The following SH3KBP1 variants were observed in gnomAD, a reference collection of about 807,000 sequenced individuals.
The protein encoded by SH3KBP1 is SH3 domain containing kinase binding protein 1, also known as SH3 domain-containing kinase-binding protein 1.
In SH3KBP1, 8 loss-of-function variants were observed where a neutral mutation model predicts 50.1. The ratio of observed to expected loss-of-function variants is 0.16; its 90% CI spans 0.09 to 0.29. The LOEUF is 0.29. SH3KBP1 is among the 10% of genes least tolerant of loss of function. The pLI is 1.00. For missense variants in SH3KBP1, 377 were observed against 535.2 expected, an observed-to-expected ratio of 0.70 and a Z score of 2.92; for synonymous variants, 227 against 218.6, an observed-to-expected ratio of 1.04 and a Z score of -0.34.
intron 2 of SH3KBP1, among the ~76,000 whole-genome samples, chrX:19,829,720 C>CAA (rs758791831): frequency 2.6e-4 from 15 of 58,415 alleles, no homozygotes; most frequent in African/African-American, 4.9e-4. Context: ...CACTCCGTCT[C>CAA]AAAAAAAAAA....
At chrX:19,612,517 C>T (rs1202761713) in intron 8 of SH3KBP1, among the ~76,000 whole-genome samples, 4 of 111,742 alleles carry the variant, frequency 3.6e-5, no homozygotes, top group Non-Finnish European at 5.6e-5. Flanking sequence ...CTGCCTGCCT[C>T]GGCCTCCCAA....
At chrX:19,660,691 G>A (rs1428036922) in intron 6 of SH3KBP1, among the ~76,000 whole-genome samples, 5 of 111,730 alleles carry the variant, frequency 4.5e-5, no homozygotes, top group Non-Finnish European at 9.4e-5. Flanking sequence ...TGTCAATGAT[G>A]GAAAAACAAC....
At chrX:19,850,596 G>A (rs2068480642) in intron 1 of SH3KBP1, among the ~76,000 whole-genome samples, 1 of 111,786 alleles carries the variant, frequency 8.9e-6, no homozygotes, top group Non-Finnish European at 1.9e-5. Context: ...CTTGAGATGT[G>A]TTTTACATAA....
At chrX:19,743,824 A>G (rs961115059) in intron 3 of SH3KBP1, among the ~76,000 whole-genome samples, 2 of 112,939 alleles carry the variant, frequency 1.8e-5, no homozygotes, top group African/African-American at 3.2e-5. Context: ...CATGATAGAA[A>G]TAGATGTCAA....
In SH3KBP1 at chrX:19,760,884, G is replaced by A. The variant is rs151279679; in HGVS notation, c.163-14443C>T. 7.6e-3 allele frequency among the ~76,000 whole-genome samples: 831 copies of A among 109,558 alleles called. 8 individuals carry two copies. Among genetic ancestry groups the A allele is most frequent in the African/African-American group, 0.026 (771 of 30,038 alleles). On this transcript the variant is annotated intron_variant, in intron 2 of 17. Transcript: ENST00000397821. The stretch of plus-strand genomic sequence containing the variant: ...GAATGCTAAAAGGAAAAACTTTTTA[G>A]TATGCAACTCCTAGTGTGGTTGGTT...
At chrX:19,813,072 G>A (rs1299155729) in intron 2 of SH3KBP1, among the ~76,000 whole-genome samples, 1 of 109,380 alleles carries the variant, frequency 9.1e-6, no homozygotes, top group Admixed American at 9.7e-5. Flanking sequence ...GAGCCTTGGA[G>A]GTCGAGGCTG....
At chrX:19,809,517 G>T (rs1313540754) in intron 2 of SH3KBP1, among the ~76,000 whole-genome samples, 1 of 110,071 alleles carries the variant, frequency 9.1e-6, no homozygotes, top group African/African-American at 3.3e-5. Context: ...AGCAAGACTT[G>T]TCTCAAAAAA....
chrX:19,730,817 C>T (rs914160365), intron 3 of SH3KBP1, among the ~76,000 whole-genome samples: 1 of 111,670 alleles, frequency 9.0e-6, no homozygotes, highest in African/African-American at 3.3e-5. Flanking sequence ...AAGGAAAAGC[C>T]CAGAAATGAA....
At chrX:19,538,377 A>T in intron 16 of SH3KBP1, among the ~76,000 whole-genome samples, 1 of 103,847 alleles carries the variant, frequency 9.6e-6, no homozygotes. Context: ...GCCAATTTTT[A>T]AAATTATTTT....
intron 8 of SH3KBP1, among the ~76,000 whole-genome samples, chrX:19,631,330 T>C (rs774481138): frequency 2.7e-5 from 3 of 112,627 alleles, no homozygotes; most frequent in South Asian, 7.3e-4. Flanking sequence ...TTCACACAGA[T>C]TTTATAGCTC....
intron 15 of SH3KBP1, among the ~76,000 whole-genome samples, chrX:19,543,493 C>G (rs1276725037): frequency 1.8e-5 from 2 of 111,164 alleles, no homozygotes; most frequent in Non-Finnish European, 3.8e-5. Context: ...GTGGAGTCCA[C>G]TTGGTGGAGC....
chrX:19,743,243 C>A lies in SH3KBP1; in HGVS notation c.286+3075G>T, dbSNP rs576857632. ...GCAACATGGCAAAACCCCAGCTCTACGAAAAATCAGTAAATTAGCCAGGTG... is the reference window on the plus strand; with the variant it reads ...GCAACATGGCAAAACCCCAGCTCTAAGAAAAATCAGTAAATTAGCCAGGTG... On this transcript the variant is annotated intron_variant, in intron 3 of 17. Transcript: ENST00000397821. 2.0e-4 allele frequency among the ~76,000 whole-genome samples: 22 copies of A among 110,572 alleles called. No homozygotes were observed. The South Asian group carries it at 8.1e-3, about 41-fold the overall frequency.
chrX:19,732,086 C>A (rs2064396834), intron 3 of SH3KBP1, among the ~76,000 whole-genome samples: 1 of 111,353 alleles, frequency 9.0e-6, no homozygotes, highest in Admixed American at 9.5e-5. Flanking sequence ...GAGGTTTGCA[C>A]ATGTCCACTT....
At chrX:19,743,245 A>G (rs1237696810) in intron 3 of SH3KBP1, among the ~76,000 whole-genome samples, 1 of 110,580 alleles carries the variant, frequency 9.0e-6, no homozygotes, top group Non-Finnish European at 1.9e-5. Flanking sequence ...CAGCTCTACG[A>G]AAAATCAGTA....
chrX:19,689,840 T>A (rs1377591842), intron 5 of SH3KBP1, among the ~76,000 whole-genome samples: 1 of 111,976 alleles, frequency 8.9e-6, no homozygotes, highest in Admixed American at 9.5e-5. Flanking sequence ...TCATTGCTAA[T>A]AGACCATCAT....
At chrX:19,863,889 T>C (rs1043537392) in intron 1 of SH3KBP1, among the ~76,000 whole-genome samples, 6 of 112,223 alleles carry the variant, frequency 5.3e-5, no homozygotes, top group Admixed American at 2.8e-4. Flanking sequence ...CATGCTTTTA[T>C]TTTCTTTGGG....
Position 19,592,094 on chromosome X carries a change from T to C in SH3KBP1, c.1111A>G (p.Met371Val). ...IKKIPPERPE[M>V]LPNRTEEKER... ...TTTTCTTCTGTTCTGTTTGGAAGCA[T>C]TTCTGGTCTTTCAGGAGGTATCTTT... is the stretch of plus-strand genomic sequence containing the variant. Residue 371 changes from methionine (M) to valine (V), a missense_variant, in exon 11 of 18, where the codon ATG becomes GTG. By Grantham distance (21) the Met-to-Val change is conservative. Around this residue, in one of 3 missense-constraint regions of SH3KBP1, gnomAD observed 257 missense variants for 374.2 expected, o/e 0.69. Transcript: ENST00000397821. The C allele has an allele frequency of 8.3e-7, 1 of 1,207,328 alleles. No individual in the cohort carries two copies. Among genetic ancestry groups the C allele is most frequent in the Non-Finnish European group, 1.1e-6 (1 of 892,391 alleles).
At chrX:19,645,272 T>C (rs1179398933) in intron 7 of SH3KBP1, 128 bp downstream of exon 7, 3 of 514,513 alleles carry the variant, frequency 5.8e-6, no homozygotes, top group African/African-American at 4.7e-5. Flanking sequence ...TGAAATACAA[T>C]TGTGTACATT....
intron 3 of SH3KBP1, among the ~76,000 whole-genome samples, chrX:19,717,525 G>A (rs2063942712): frequency 8.9e-6 from 1 of 111,770 alleles, no homozygotes; most frequent in Admixed American, 9.4e-5. Flanking sequence ...CCATGATTGT[G>A]CCACTGCACT....
Sources: allele counts gnomAD v4.1 joint callset (sites outside exome capture counted in the v4.1 genomes callset), GRCh38; gene constraint gnomAD v4.1.1; regional missense constraint gnomAD v4.1.1; transcripts MANE v1.5; gene names NCBI Gene and HGNC (gene_info 2026-07-23, HGNC 2026-07-21).